Variants in ARMCX4 observed in about 807,000 individuals in gnomAD.
The protein encoded by ARMCX4 is armadillo repeat containing X-linked 4, also known as armadillo repeat-containing X-linked protein 4.
In ARMCX4, 3 loss-of-function variants were observed where a neutral mutation model predicts 34.7. The observed-to-expected ratio is 0.09, with a 90% CI of 0.04 to 0.22. ARMCX4 has a LOEUF of 0.22. Among genes scored for constraint, ARMCX4 ranks in the 10% least tolerant of loss-of-function variants. ARMCX4 has a pLI of 1.00. For missense variants in ARMCX4, 1,448 were observed against 1,720.8 expected (o/e 0.84, Z 2.81); for synonymous variants, 513 against 632.8 (o/e 0.81, Z 2.84).
intron 11 of ARMCX4, among the ~76,000 whole-genome samples, chrX:101,527,091 T>G (rs1182967983): frequency 8.9e-5 from 10 of 111,858 alleles, no homozygotes; most frequent in Non-Finnish European, 1.7e-4. Context: ...AGTAAAGCAC[T>G]CCTCAGCAAA....
intron 2 of ARMCX4, among the ~76,000 whole-genome samples, chrX:101,437,851 G>T (rs1336564399): frequency 8.9e-6 from 1 of 111,767 alleles, no homozygotes; most frequent in East Asian, 2.8e-4. Flanking sequence ...TTCTGTCTTT[G>T]TTCTCATTGG....
chrX:101,515,394 C>CTTT (rs1569346593), intron 11 of ARMCX4, among the ~76,000 whole-genome samples: 10 of 852 alleles, frequency 0.012, no homozygotes, highest in Admixed American at 0.033. Context: ...TCTTTCTTTC[C>CTTT]CTCCCTCCCT....
chrX:101,505,796 A>C (rs782468822), intron 8 of ARMCX4, among the ~76,000 whole-genome samples: 9 of 112,226 alleles, frequency 8.0e-5, no homozygotes, highest in Non-Finnish European at 1.5e-4. Context: ...AAATACATTC[A>C]CATTGTTGTG....
rs149427098 is a variant in ARMCX4, at chrX:101,528,333, T to A, written c.*1781-3311T>A. Among the ~76,000 whole-genome samples, 378 of 111,808 alleles carry A rather than the reference T, an allele frequency of 3.4e-3. 1 individual carries two copies. Among genetic ancestry groups the A allele is most frequent in the Non-Finnish European group, 5.7e-3 (303 of 53,171 alleles). On this transcript the variant is annotated intron_variant and NMD_transcript_variant, in intron 11 of 12. Transcript: ENST00000354842. ...AAACTAGGTATTGATGGGATGTATA[T>A]CAAAATAATAAGAGCTATTTATGAT...
At chrX:101,429,483 G>A (rs1024692955) in intron 2 of ARMCX4, among the ~76,000 whole-genome samples, 6 of 108,825 alleles carry the variant, frequency 5.5e-5, no homozygotes, top group African/African-American at 1.7e-4. Context: ...CTACAGGCAT[G>A]CGCCACCATG....
chrX:101,491,645 G>A lies in ARMCX4; in HGVS notation c.3056G>A (p.Gly1019Glu). The change falls in exon 6 of 6, where the codon GGG becomes GAG. Residue 1019 changes from glycine to glutamate, a missense_variant. Physicochemically the swap from Gly to Glu is moderately conservative, Grantham distance 98. Transcript: ENST00000423738. ...KGNTIAVPKA[G>E]TGAGTRHSAQ... ...AATACCATTGCTGTGCCTAAAGCAGGGACTGGGGCAGGCACAAGGCACTCT... is the reference window on the plus strand; with the variant it reads ...AATACCATTGCTGTGCCTAAAGCAGAGACTGGGGCAGGCACAAGGCACTCT... 1 of 1,155,029 alleles carries A rather than the reference G, an allele frequency of 8.7e-7. No individual in the cohort carries two copies. The highest frequency in any genetic ancestry group is 1.1e-6 in the Non-Finnish European group (1 of 872,446).
intron 2 of ARMCX4, among the ~76,000 whole-genome samples, chrX:101,437,062 A>G (rs1555995029): frequency 1.8e-5 from 2 of 111,399 alleles, no homozygotes; most frequent in African/African-American, 6.5e-5. Context: ...TTTTATTGAG[A>G]ATTTTTGCAT....
intron 4 of ARMCX4, among the ~76,000 whole-genome samples, chrX:101,467,509 G>T (rs782620708): frequency 1.5e-4 from 17 of 111,971 alleles, no homozygotes; most frequent in Non-Finnish European, 2.6e-4. Context: ...ATCTCAAGGA[G>T]CTAGGAAAAA....
intron 4 of ARMCX4, among the ~76,000 whole-genome samples, chrX:101,466,152 G>A (rs1467615060): frequency 1.8e-5 from 2 of 111,816 alleles, no homozygotes; most frequent in Admixed American, 9.6e-5. Context: ...CTCACAATTC[G>A]ATATTAAGAA....
chrX:101,433,227 T>C (rs782541518), intron 2 of ARMCX4, among the ~76,000 whole-genome samples: 3 of 27,068 alleles, frequency 1.1e-4, no homozygotes, highest in African/African-American at 2.3e-4. Context: ...TATATACATA[T>C]ATGTACACAT....
intron 2 of ARMCX4, among the ~76,000 whole-genome samples, chrX:101,424,124 A>ACT (rs1929457587): frequency 1.8e-5 from 2 of 111,016 alleles, no homozygotes; most frequent in Admixed American, 1.9e-4. Context: ...CGGCCTCCCA[A>ACT]AGTGCTGGGA....
At chrX:101,531,642 A>G (rs1214109084) in intron 11 of ARMCX4, 1 of 111,834 alleles carries the variant, frequency 8.9e-6, no homozygotes, top group Admixed American at 9.5e-5. Flanking sequence ...TATCTTTGCT[A>G]GATTTTAGCA....
rs782816886 is a variant in ARMCX4 at position 101,521,539 on chromosome X, TC to T, written c.*1781-10104del. On this transcript the variant is annotated intron_variant and NMD_transcript_variant, in intron 11 of 12. Transcript: ENST00000354842. ...TTCTATTGGTTTTCTCTATTATTTT[TC>T]TATTCTGTTTCATTTGTCTCCTCTC... 1.5e-3 allele frequency among the ~76,000 whole-genome samples: 166 copies of T among 110,637 alleles called. 1 individual carries two copies. Among genetic ancestry groups the T allele is most frequent in the African/African-American group, 5.3e-3 (161 of 30,546 alleles).
intron 2 of ARMCX4, among the ~76,000 whole-genome samples, chrX:101,431,790 G>A (rs782176473): frequency 5.7e-4 from 64 of 112,129 alleles, no homozygotes; most frequent in Non-Finnish European, 7.7e-4. Context: ...TGATCTGCCC[G>A]CCTCAGCCTC....
intron 2 of ARMCX4, among the ~76,000 whole-genome samples, chrX:101,429,023 T>G (rs1929813306): frequency 1.8e-5 from 2 of 109,199 alleles, no homozygotes; most frequent in South Asian, 7.9e-4. Context: ...CATGCCCGGC[T>G]AATTTTTTAA....
chrX:101,431,102 C>T (rs1301120527), intron 2 of ARMCX4, among the ~76,000 whole-genome samples: 1 of 111,243 alleles, frequency 9.0e-6, no homozygotes, highest in Non-Finnish European at 1.9e-5. Flanking sequence ...CCCTCCATTC[C>T]CTGCACTCCT....
chrX:101,440,625 G>A (rs996579455), intron 2 of ARMCX4, among the ~76,000 whole-genome samples: 1 of 111,805 alleles, frequency 8.9e-6, no homozygotes, highest in African/African-American at 3.3e-5. Flanking sequence ...GCTCCACCTA[G>A]TTGGAGCTTC....
At chrX:101,479,305 CA>C (rs1933336726) in intron 4 of ARMCX4, among the ~76,000 whole-genome samples, 14 of 430 alleles carry the variant, frequency 0.033, no homozygotes, top group Admixed American at 0.25. Context: ...TAAAGAAAAC[CA>C]CACACACACA....
At chrX:101,419,747 C>G (rs1929122397) in intron 2 of ARMCX4, among the ~76,000 whole-genome samples, 1 of 111,217 alleles carries the variant, frequency 9.0e-6, no homozygotes, top group African/African-American at 3.3e-5. Flanking sequence ...TCACCTTGTC[C>G]TGCCTTGAGC....
Sources: gnomAD v4.1 joint callset for allele counts (sites outside exome capture counted in the v4.1 genomes callset) on GRCh38, gnomAD v4.1.1 for gene constraint, MANE v1.5 for transcripts, NCBI Gene and HGNC (gene_info 2026-07-23, HGNC 2026-07-21) for gene names.